MDFIC2: variants seen among roughly 807,000 people sequenced by gnomAD.
MDFIC2 encodes MyoD family inhibitor domain containing 2, also known as myoD family inhibitor domain-containing protein 2.
intron 2 of MDFIC2, among the ~76,000 whole-genome samples, chr3:70,287,064 A>G (rs1366027819): frequency 2.8e-5 from 4 of 143,516 alleles, no homozygotes; most frequent in South Asian, 2.4e-4. Flanking sequence ...TCTCCTGCCT[A>G]ATTGCCCTGG....
chr3:70,234,723 T>G (rs1701591606), intron 2 of MDFIC2, among the ~76,000 whole-genome samples: 1 of 152,186 alleles, frequency 6.6e-6, no homozygotes, highest in South Asian at 2.1e-4. Flanking sequence ...TGCAGCAATT[T>G]GAAATCTTTG....
intron 2 of MDFIC2, among the ~76,000 whole-genome samples, chr3:70,284,616 G>A (rs116291412): frequency 6.6e-6 from 1 of 152,074 alleles, no homozygotes; most frequent in Admixed American, 6.6e-5. Flanking sequence ...TGGAGCCAGA[G>A]GACATCTTCC....
chr3:70,279,819 G>C (rs1265383844), intron 2 of MDFIC2, among the ~76,000 whole-genome samples: 1 of 152,116 alleles, frequency 6.6e-6, no homozygotes, highest in African/African-American at 2.4e-5. Context: ...ATATCTTTTG[G>C]AGAAGTCTCC....
intron 2 of MDFIC2, among the ~76,000 whole-genome samples, chr3:70,230,949 C>T (rs748123022): frequency 8.5e-5 from 13 of 152,180 alleles, no homozygotes; most frequent in Non-Finnish European, 1.5e-4. Context: ...AGACCACAAC[C>T]TGATCCCATT....
chr3:70,194,602 C>T lies in MDFIC2; in HGVS notation c.*2324G>A, dbSNP rs192397212. 6.6e-6 allele frequency among the ~76,000 whole-genome samples: 1 copy of T among 152,266 alleles called. No homozygotes were observed. The highest frequency in any genetic ancestry group is 2.4e-5 in the African/African-American group (1 of 41,564). On this transcript the variant is annotated 3_prime_UTR_variant, in exon 4 of 4. Coordinates refer to ENST00000567252, the MANE Select transcript of MDFIC2 (RefSeq NM_001364677.1). ...AAAGTGAGGAACAAAGTTAACAAAC[C>T]GTGGAAAGCAAGGCCACAGAAAGAT...
intron 2 of MDFIC2, among the ~76,000 whole-genome samples, chr3:70,288,735 A>G (rs9882525): frequency 0.4 from 59,903 of 150,366 alleles, 12,351 homozygotes; most frequent in South Asian, 0.56. Context: ...TTATGAATCT[A>G]GGTGCTCCTG....
intron 2 of MDFIC2, among the ~76,000 whole-genome samples, chr3:70,237,202 C>A (rs1036473132): frequency 3.9e-5 from 6 of 152,094 alleles, no homozygotes; most frequent in Admixed American, 3.3e-4. Context: ...TATATTTTTC[C>A]CTTTGTTAGT....
At chr3:70,216,168 A>G (rs1701409872) in intron 2 of MDFIC2, among the ~76,000 whole-genome samples, 3 of 151,280 alleles carry the variant, frequency 2.0e-5, no homozygotes, top group Admixed American at 1.3e-4. Context: ...ATTTATATTT[A>G]TGCTTTATAT....
intron 2 of MDFIC2, among the ~76,000 whole-genome samples, chr3:70,265,901 C>T (rs182386468): frequency 8.4e-4 from 128 of 152,244 alleles, no homozygotes; most frequent in African/African-American, 2.9e-3. Context: ...GTCACGAGAA[C>T]GGCATGGGGG....
chr3:70,208,930 T>C (rs1300760823), intron 2 of MDFIC2, among the ~76,000 whole-genome samples: 1 of 152,038 alleles, frequency 6.6e-6, no homozygotes, highest in Admixed American at 6.6e-5. Context: ...GAAATAGGGA[T>C]TCAAGAAAAC....
At chr3:70,310,484 G>A (rs1341019297) in intron 2 of MDFIC2, among the ~76,000 whole-genome samples, 1 of 151,864 alleles carries the variant, frequency 6.6e-6, no homozygotes, top group Non-Finnish European at 1.5e-5. Flanking sequence ...TCCTGCCTCA[G>A]CCTCCTGAGT....
At chr3:70,225,720 G>A (rs928349279) in intron 2 of MDFIC2, among the ~76,000 whole-genome samples, 2 of 152,160 alleles carry the variant, frequency 1.3e-5, no homozygotes, top group African/African-American at 4.8e-5. Context: ...AAACAATAAA[G>A]TAGAACGATA....
intron 2 of MDFIC2, among the ~76,000 whole-genome samples, chr3:70,225,242 A>G (rs1701492453): frequency 1.3e-5 from 2 of 152,168 alleles, no homozygotes; most frequent in Non-Finnish European, 2.9e-5. Context: ...ATATGTCAAT[A>G]TGTTTTTCAA....
intron 2 of MDFIC2, among the ~76,000 whole-genome samples, chr3:70,233,343 C>T (rs571653811): frequency 5.3e-5 from 8 of 152,236 alleles, no homozygotes; most frequent in Admixed American, 1.3e-4. Context: ...AAGATTTCAG[C>T]GTGGAATAAT....
At chr3:70,231,936 A>G (rs1016100669) in intron 2 of MDFIC2, among the ~76,000 whole-genome samples, 1 of 152,158 alleles carries the variant, frequency 6.6e-6, no homozygotes. Flanking sequence ...ACCAAATAAC[A>G]GTCGTGTATT....
chr3:70,205,661 T>TTTA (rs1429187436), intron 3 of MDFIC2: 15 of 152,076 alleles, frequency 9.9e-5, no homozygotes, highest in African/African-American at 3.6e-4. Flanking sequence ...TACTGTACAG[T>TTTA]TAATAGACTT....
intron 2 of MDFIC2, among the ~76,000 whole-genome samples, chr3:70,237,977 A>AT (rs1251005797): frequency 7.7e-5 from 1 of 13,008 alleles, no homozygotes; most frequent in African/African-American, 4.9e-4. Flanking sequence ...ATTGAGTGGT[A>AT]TCTTTTTTTT....
intron 2 of MDFIC2, among the ~76,000 whole-genome samples, chr3:70,278,408 C>T (rs1278930045): frequency 2.0e-5 from 3 of 152,098 alleles, no homozygotes; most frequent in Non-Finnish European, 4.4e-5. Flanking sequence ...GACATAAACA[C>T]TGGGGAGGAA....
intron 2 of MDFIC2, among the ~76,000 whole-genome samples, chr3:70,274,097 G>A (rs1053858376): frequency 2.0e-5 from 3 of 151,198 alleles, no homozygotes; most frequent in South Asian, 2.1e-4. Context: ...GTGTGCGCGC[G>A]CGCATGTGTG....
Sources: gnomAD v4.1 joint callset for allele counts (sites outside exome capture counted in the v4.1 genomes callset) on GRCh38, gnomAD v4.1.1 for gene constraint, MANE v1.5 for transcripts, NCBI Gene and HGNC (gene_info 2026-07-23, HGNC 2026-07-21) for gene names.